The following CLCNKA variants were observed in gnomAD, a reference collection of about 807,000 sequenced individuals.
CLCNKA encodes the protein chloride voltage-gated channel Ka.
CLCNKA carries 66 observed loss-of-function variants against 83.3 expected under a neutral mutation model. The ratio of observed to expected loss-of-function variants is 0.79; its 90% confidence interval spans 0.65 to 0.97. The LOEUF is 0.97. CLCNKA is among the 50% of genes least tolerant of loss of function. The pLI, the probability that CLCNKA is intolerant of heterozygous loss-of-function variation, is 0.00. For synonymous variants in CLCNKA, 357 were observed against 370.4 expected (o/e 0.96, Z 0.42); for missense variants, 806 against 888.7 (o/e 0.91, Z 1.18).
rs1350742652 is a variant in CLCNKA at position 16,022,604 on chromosome 1, C to G, written c.-7-9C>G. On this transcript the variant is annotated splice_polypyrimidine_tract_variant and intron_variant, in intron 1 of 19. Transcript: ENST00000331433. ...TCACCCGGGTCCTTCCCTCCATCTG[C>G]TTCTCCAGGGGCCTGATGGAGGAGT... 1 of 1,550,240 alleles carries G rather than the reference C, an allele frequency of 6.5e-7. No individual in the cohort carries two copies. The highest frequency in any genetic ancestry group is 2.4e-5 in the East Asian group (1 of 41,862).
chr1:16,031,700 C>T lies in CLCNKA; in HGVS notation c.1623-10C>T, dbSNP rs1380570989. On this transcript the variant is annotated splice_polypyrimidine_tract_variant and intron_variant, in intron 15 of 19. Coordinates refer to ENST00000331433, the MANE Select transcript of CLCNKA (RefSeq NM_004070.4). ...ACTCCGGGACCTGATGGGAGCCCCTCTGCCTGCAGCTCCCACCATGTGAGG... is the reference window on the plus strand; with the variant it reads ...ACTCCGGGACCTGATGGGAGCCCCTTTGCCTGCAGCTCCCACCATGTGAGG... 6.2e-7 allele frequency: 1 copy of T among 1,613,518 alleles called. No homozygotes were observed. Among genetic ancestry groups the T allele is most frequent in the African/African-American group, 1.3e-5 (1 of 74,938 alleles).
In CLCNKA at chr1:16,029,740, CTG is replaced by C; in HGVS notation, c.1238_1239del (p.Leu413HisfsTer37). 6.2e-7 allele frequency: 1 copy of C among 1,614,172 alleles called. No individual in the cohort carries two copies. The highest frequency in any genetic ancestry group is 8.5e-7 in the Non-Finnish European group (1 of 1,180,026). ...AFFLVMKFWM[L>X]ILATTIPMPA... The stretch of plus-strand genomic sequence containing the variant: ...CTCCCCCTTCCTGCAGTTCTGGATG[CTG>C]ATTCTGGCCACCACCATCCCCATGC... On this transcript the variant is annotated frameshift_variant, in exon 13 of 20. Coordinates refer to ENST00000331433, the MANE Select transcript of CLCNKA (RefSeq NM_004070.4). LOFTEE classifies it high-confidence loss of function.
Position 16,033,212 on chromosome 1 carries a change from G to C in CLCNKA, c.1972G>C (p.Val658Leu). The C allele has an allele frequency of 1.2e-6, 2 of 1,614,138 alleles. No individual in the cohort carries two copies. Among genetic ancestry groups the C allele is most frequent in the South Asian group, 1.1e-5 (1 of 91,084 alleles). ...FKLLNLQSLF[V>L]TSRGRAVGCV... ...GCTGTTGAACCTTCAGTCCCTCTTC[G>C]TGACATCGCGGGGCAGAGCTGTGGG... Residue 658 changes from valine (V) to leucine (L), a missense_variant, in exon 19 of 20, where the codon GTG (valine) becomes CTG (leucine). Coordinates refer to ENST00000331433, the MANE Select transcript of CLCNKA (RefSeq NM_004070.4).
chr1:16,028,602 G>A (rs1356135986), intron 10 of CLCNKA, 159 bp from the exon 11 acceptor site: 1 of 874,946 alleles, frequency 1.1e-6, no homozygotes, highest in Non-Finnish European at 1.9e-6. Flanking sequence ...GCTGGAGGGG[G>A]CCATGTTCCC....
At position 16,027,443 on chromosome 1, in the gene CLCNKA, C is replaced by T. The variant is rs1338455977; in HGVS notation, c.781+8C>T. On this transcript the variant is annotated splice_region_variant and intron_variant, in intron 8 of 19. Coordinates refer to ENST00000331433, the MANE Select transcript of CLCNKA (RefSeq NM_004070.4). ...TCTTCAACAGCGAGCAGGGTGAGCC[C>T]CCTGGGCTGCCTGACCCTGGCCCTG... is the stretch of plus-strand genomic sequence containing the variant. 3.1e-6 allele frequency: 5 copies of T among 1,613,546 alleles called. No homozygotes were observed. The highest frequency in any genetic ancestry group is 4.2e-6 in the Non-Finnish European group (5 of 1,179,884).
intron 3 of CLCNKA, among the ~76,000 whole-genome samples, chr1:16,024,312 T>C (rs1162833390): frequency 3.9e-5 from 6 of 152,320 alleles, no homozygotes; most frequent in African/African-American, 1.2e-4. Context: ...CCCTGAGGCC[T>C]CCCTGGAAGA....
chr1:16,027,169 G>A (rs2022394738), intron 7 of CLCNKA, 141 bp from the exon 8 acceptor site: 1 of 1,274,774 alleles, frequency 7.8e-7, no homozygotes, highest in Non-Finnish European at 1.1e-6. Context: ...CGCAAGCCCT[G>A]CCCTCCCCTT....
Position 16,027,440 on chromosome 1 carries a change from G to GC in CLCNKA, c.781+10dup, listed in dbSNP as rs1208310340. ...CAGTCTTCAACAGCGAGCAGGGTGA[G>GC]CCCCCTGGGCTGCCTGACCCTGGCC... On this transcript the variant is annotated splice_donor_region_variant and intron_variant, in intron 8 of 19. Transcript: ENST00000331433. 6.2e-7 allele frequency: 1 copy of GC among 1,613,496 alleles called. No individual in the cohort carries two copies. The highest frequency in any genetic ancestry group is 1.3e-5 in the African/African-American group (1 of 74,886).
intron 1 of CLCNKA, among the ~76,000 whole-genome samples, 164 bp from the exon 2 acceptor site, chr1:16,022,449 G>A (rs573486147): frequency 5.3e-5 from 8 of 152,228 alleles, no homozygotes; most frequent in African/African-American, 1.7e-4. Context: ...CCTCAGTGAC[G>A]GAACCTCAGG....
chr1:16,023,808 G>C lies in CLCNKA; in HGVS notation c.109G>C (p.Glu37Gln), dbSNP rs772662576. Residue 37 changes from glutamate (E) to glutamine (Q), a missense_variant, in exon 3 of 20, where the codon GAG (glutamate) becomes CAG (glutamine). Coordinates refer to ENST00000331433, the MANE Select transcript of CLCNKA (RefSeq NM_004070.4). ...HIRRAIQGGL[E>Q]WLKQKVFRLG... ...CCGATACCCTGCCCCAGGTGGCCTG[G>C]AGTGGCTAAAGCAGAAGGTGTTCCG... 6 of 1,614,118 alleles carry C rather than the reference G, an allele frequency of 3.7e-6. No individual in the cohort carries two copies. In the South Asian group the frequency reaches 5.5e-5, roughly 15 times the overall value.
Position 16,029,711 on chromosome 1 carries a change from T to G in CLCNKA, c.1228-20T>G, listed in dbSNP as rs748763277. On this transcript the variant is annotated intron_variant, in intron 12 of 19. Coordinates refer to ENST00000331433, the MANE Select transcript of CLCNKA (RefSeq NM_004070.4). ...GCCCAGCGGCCTCTAACCTCTGCCC[T>G]GGGCTCCCCCTTCCTGCAGTTCTGG... 6.2e-7 allele frequency: 1 copy of G among 1,614,122 alleles called. No individual in the cohort carries two copies. Among genetic ancestry groups the G allele is most frequent in the South Asian group, 1.1e-5 (1 of 91,084 alleles).
At position 16,026,808 on chromosome 1, in the gene CLCNKA, C is replaced by T. The variant is rs560019715; in HGVS notation, c.655+33C>T. 1.9e-6 allele frequency: 3 copies of T among 1,611,900 alleles called. No homozygotes were observed. The African/African-American group carries it at 4.0e-5, about 21-fold the overall frequency. The stretch of plus-strand genomic sequence containing the variant: ...CCCCCTCATGCCCCGCCCCCTGGGT[C>T]CCTCAAGCTCCTCCCCTCACACCCT... On this transcript the variant is annotated intron_variant, in intron 7 of 19. Coordinates refer to ENST00000331433, the MANE Select transcript of CLCNKA (RefSeq NM_004070.4).
At chr1:16,032,659 T>C (rs2022678473) in intron 18 of CLCNKA, 133 bp downstream of exon 18, 4 of 741,594 alleles carry the variant, frequency 5.4e-6, no homozygotes, top group African/African-American at 1.7e-5. Flanking sequence ...CTCCTGGGCC[T>C]GGACAGGGCA....
At position 16,030,072 on chromosome 1, in the gene CLCNKA, G is replaced by T. The variant is rs751077401; in HGVS notation, c.1405G>T (p.Ala469Ser). The T allele has an allele frequency of 1.9e-6, 3 of 1,600,852 alleles. No individual in the cohort carries two copies. In the East Asian group the frequency reaches 6.7e-5, roughly 36 times the overall value. ...CATCATGCCCGGGGGGTATGCTCTGGCAGGTGAGTGGGTCACGGCCCTGCT... is the reference window on the plus strand; with the variant it reads ...CATCATGCCCGGGGGGTATGCTCTGTCAGGTGAGTGGGTCACGGCCCTGCT... ...NPIMPGGYAL[A>S]GAAAFSGAVT... The change falls in exon 14 of 20, where the codon GCA becomes TCA. Residue 469 changes from alanine to serine, a missense_variant. Coordinates refer to ENST00000331433, the MANE Select transcript of CLCNKA (RefSeq NM_004070.4).
intron 15 of CLCNKA, among the ~76,000 whole-genome samples, chr1:16,031,203 CA>C (rs1203479421): frequency 1.2e-4 from 18 of 152,236 alleles, no homozygotes; most frequent in African/African-American, 4.3e-4. Context: ...CAAACACAAA[CA>C]AGCTGCTGCC....
intron 9 of CLCNKA, 51 bp downstream of exon 9, chr1:16,027,956 G>T: frequency 6.2e-7 from 1 of 1,614,014 alleles, no homozygotes; most frequent in Non-Finnish European, 8.5e-7. Flanking sequence ...TCCCCCCAAG[G>T]CCTGGACTGC....
At position 16,029,768 on chromosome 1, in the gene CLCNKA, C is replaced by T; in HGVS notation, c.1265C>T (p.Pro422Leu). 1.2e-6 allele frequency: 2 copies of T among 1,614,190 alleles called. No individual in the cohort carries two copies. The highest frequency in any genetic ancestry group is 1.7e-6 in the Non-Finnish European group (2 of 1,180,040). ...MLILATTIPM[P>L]AGYFMPIFIL... ...ATTCTGGCCACCACCATCCCCATGC[C>T]TGCCGGGTACTTCATGCCCATCTTT... The change falls in exon 13 of 20, where the codon CCT becomes CTT. Residue 422 changes from proline to leucine, a missense_variant. By Grantham distance (98) the Pro-to-Leu change is moderately conservative (BLOSUM62 -3). Transcript: ENST00000331433.
chr1:16,028,923 C>T (rs970210422), intron 11 of CLCNKA, 78 bp downstream of exon 11: 3 of 1,551,080 alleles, frequency 1.9e-6, no homozygotes, highest in African/African-American at 2.7e-5. Flanking sequence ...CACGTAATAC[C>T]CTCAGCACCC....
intron 12 of CLCNKA, 56 bp from the exon 13 acceptor site, chr1:16,029,675 G>A (rs1418249239): frequency 6.2e-7 from 1 of 1,602,688 alleles, no homozygotes; most frequent in Non-Finnish European, 8.5e-7. Context: ...GTCTTCTCTT[G>A]TCCACACCTT....
Sources: gnomAD v4.1 joint callset for allele counts (sites outside exome capture counted in the v4.1 genomes callset) on GRCh38, gnomAD v4.1.1 for gene constraint, MANE v1.5 for transcripts, NCBI Gene and HGNC (gene_info 2026-07-23, HGNC 2026-07-21) for gene names.